SH2B2: variants seen among roughly 807,000 people sequenced by gnomAD.
The protein encoded by SH2B2 is SH2B adaptor protein 2.
In SH2B2, 37 loss-of-function variants were observed where a neutral mutation model predicts 35.7. That is an observed-to-expected ratio of 1.04 (90% CI 0.80 to 1.36). The LOEUF (loss-of-function observed/expected upper bound fraction) is 1.36. SH2B2 is among the 40% of genes most tolerant of loss of function. The pLI is 0.00. For synonymous variants in SH2B2, 383 were observed against 376.4 expected, an observed-to-expected ratio of 1.02 and a Z score of -0.20; for missense variants, 852 against 817.7, an observed-to-expected ratio of 1.04 and a Z score of -0.51.
chr7:102,297,261 C>CA lies in SH2B2; in HGVS notation c.-29-3253dup, dbSNP rs1315414964. ...TAGGAGTTGTCTGGGTTATTAGATC[C>CA]AAAAAAAATGTAGCGGGCCAGGTGC... On this transcript the variant is annotated intron_variant, in intron 1 of 8. Transcript: ENST00000444095. This position sits in a 1 kb window ranked among gnomAD's most constrained non-coding sequence, Gnocchi z 4.3. Among the ~76,000 whole-genome samples the CA allele has an allele frequency of 5.9e-5, 9 of 151,678 alleles. No homozygotes were observed. Among genetic ancestry groups the CA allele is most frequent in the East Asian group, 1.9e-4 (1 of 5,162 alleles).
intron 8 of SH2B2, among the ~76,000 whole-genome samples, chr7:102,321,064 G>C (rs1794046412): frequency 6.6e-6 from 1 of 152,186 alleles, no homozygotes; most frequent in South Asian, 2.1e-4. Flanking sequence ...GTATGCGTGT[G>C]TGTGCACTCC....
At chr7:102,300,495 G>A in intron 1 of SH2B2, 27 bp from the exon 2 acceptor site, 12 of 1,504,240 alleles carry the variant, frequency 8.0e-6, no homozygotes, top group Non-Finnish European at 9.7e-6. Flanking sequence ...AGGCCTGAAA[G>A]TCACTGCGCG....
chr7:102,311,826 C>T (rs1793634638), intron 4 of SH2B2, among the ~76,000 whole-genome samples: 1 of 152,100 alleles, frequency 6.6e-6, no homozygotes, highest in Admixed American at 6.5e-5. Context: ...CCTGTAATCC[C>T]AGCACTTTGG....
intron 1 of SH2B2, among the ~76,000 whole-genome samples, chr7:102,288,387 C>T (rs1554551194): frequency 6.6e-6 from 1 of 152,086 alleles, no homozygotes; most frequent in East Asian, 1.9e-4. Flanking sequence ...GAGACAGTTT[C>T]CCACCAGCTA....
chr7:102,310,390 T>G (rs1218081531), intron 4 of SH2B2, among the ~76,000 whole-genome samples: 1 of 152,086 alleles, frequency 6.6e-6, no homozygotes, highest in Non-Finnish European at 1.5e-5. Context: ...ATCAAGGCCT[T>G]TGGGGTAGCC....
rs1384384696 is a variant in SH2B2, at chr7:102,321,433, T to A, written c.1702T>A (p.Ser568Thr). ...GCCCTCCGACGCCGCCGGCGCCTCC[T>A]CGTCTTCCGCCTCGTCGTCCTCTGC... ...ASPSDAAGAS[S>T]SSASSSSAAS... The change falls in exon 9 of 9, where the codon TCG becomes ACG. Residue 568 changes from serine (S) to threonine (T), a missense_variant. Ser to Thr is a moderately conservative substitution (Grantham distance 58). Transcript: ENST00000444095. 7.6e-7 allele frequency: 1 copy of A among 1,310,064 alleles called. No individual in the cohort carries two copies. Among genetic ancestry groups the A allele is most frequent in the East Asian group, 3.5e-5 (1 of 28,478 alleles). The allele number at this position is 1,310,064 out of a possible 1,614,324, so 81.2% of individuals were successfully genotyped here.
At chr7:102,314,180 G>A (rs1374128242) in intron 4 of SH2B2, among the ~76,000 whole-genome samples, 156 bp from the exon 5 acceptor site, 2 of 152,184 alleles carry the variant, frequency 1.3e-5, no homozygotes, top group Non-Finnish European at 2.9e-5. Context: ...GTGTAGGGTG[G>A]GACAGAGGGA....
chr7:102,301,151 C>A lies in SH2B2; in HGVS notation c.601C>A (p.Arg201Ser). 1 of 1,553,640 alleles carries A rather than the reference C, an allele frequency of 6.4e-7. No individual in the cohort carries two copies. The highest frequency in any genetic ancestry group is 2.0e-5 in the Admixed American group (1 of 49,990). ...GGACATTCAACGCGAGGGGGCGCTG[C>A]GCTTCATGGTGGCCGACGACGCGGC... ...LVDIQREGALRFMVADDAAAG... is the reference protein window; with the variant it reads ...LVDIQREGALSFMVADDAAAG... The change falls in exon 2 of 9, where the codon CGC becomes AGC. Residue 201 changes from arginine (R) to serine (S), a missense_variant. Transcript: ENST00000444095.
intron 3 of SH2B2, among the ~76,000 whole-genome samples, chr7:102,307,702 T>C (rs1793457244): frequency 6.6e-6 from 1 of 151,668 alleles, no homozygotes; most frequent in African/African-American, 2.4e-5. Context: ...AGAGCGGGAT[T>C]AAAGGCAGTC....
intron 1 of SH2B2, among the ~76,000 whole-genome samples, chr7:102,287,471 C>T (rs1451635603): frequency 6.6e-6 from 1 of 152,160 alleles, no homozygotes; most frequent in Non-Finnish European, 1.5e-5. Flanking sequence ...AGGTCTCTTC[C>T]CTACGCTGGG....
At chr7:102,318,727 C>T (rs1405091111) in intron 7 of SH2B2, among the ~76,000 whole-genome samples, 2 of 152,136 alleles carry the variant, frequency 1.3e-5, no homozygotes, top group Non-Finnish European at 2.9e-5. Flanking sequence ...CCTCTGGTGG[C>T]TTCTCTCCTC....
rs76029609 is a variant in SH2B2, at chr7:102,292,800, A to G, written c.-30+5706A>G. ...ACATAGGAGAGAACCCTTAGTTCTG[A>G]CCGTCTCCCCCTTCATGCACTTGGT... On this transcript the variant is annotated intron_variant, in intron 1 of 8. Coordinates refer to ENST00000444095, the MANE Select transcript of SH2B2 (RefSeq NM_001359228.2). Among the ~76,000 whole-genome samples the G allele has an allele frequency of 4.6e-4, 70 of 152,320 alleles. 2 individuals carry two copies. The East Asian group carries it at 0.013, about 29-fold the overall frequency.
chr7:102,303,370 C>T (rs1426400567), intron 2 of SH2B2, among the ~76,000 whole-genome samples: 9 of 152,080 alleles, frequency 5.9e-5, no homozygotes, highest in Non-Finnish European at 8.8e-5. Flanking sequence ...CAGGGACCAC[C>T]GGGGACCCCA....
intron 4 of SH2B2, among the ~76,000 whole-genome samples, chr7:102,310,317 A>G (rs1793572782): frequency 6.6e-6 from 1 of 152,218 alleles, no homozygotes; most frequent in Non-Finnish European, 1.5e-5. Flanking sequence ...CTGTCTCAAA[A>G]TATTAATAAT....
At chr7:102,319,266 G>C (rs1403725539) in intron 7 of SH2B2, among the ~76,000 whole-genome samples, 1 of 152,230 alleles carries the variant, frequency 6.6e-6, no homozygotes, top group Non-Finnish European at 1.5e-5. Flanking sequence ...GCTCTGCCCA[G>C]CTATGAGGCT....
At chr7:102,285,204 C>G (rs803074), upstream of SH2B2, 590,198 of 1,550,862 alleles carry the variant, frequency 0.38, 115,953 homozygotes, top group East Asian at 0.73. Flanking sequence ...ATCTCAGGAC[C>G]CTCTCTGGCC....
chr7:102,298,344 C>G, intron 1 of SH2B2, among the ~76,000 whole-genome samples: 1 of 152,178 alleles, frequency 6.6e-6, no homozygotes, highest in East Asian at 1.9e-4. Context: ...TCACTGCAGC[C>G]TCCAAATCCT....
chr7:102,310,832 G>A (rs1554555911), intron 4 of SH2B2, among the ~76,000 whole-genome samples: 1 of 152,154 alleles, frequency 6.6e-6, no homozygotes, highest in African/African-American at 2.4e-5. Flanking sequence ...AGCTGGCAGG[G>A]TCCCAGACAC....
rs1554555409 is a variant in SH2B2 at position 102,308,897 on chromosome 7, TG to T, written c.916del (p.Asp306ThrfsTer31). The T allele has an allele frequency of 2.5e-6, 4 of 1,613,508 alleles. No homozygotes were observed. Among genetic ancestry groups the T allele is most frequent in the Non-Finnish European group, 3.4e-6 (4 of 1,179,726 alleles). On this transcript the variant is annotated frameshift_variant, in exon 4 of 9. Coordinates refer to ENST00000444095, the MANE Select transcript of SH2B2 (RefSeq NM_001359228.2). LOFTEE classifies it high-confidence loss of function. ...TGGGTAGCTGACATCCAGGGCTGCG[TG>T]GACCCCGGGTGAGTGTCCAAGTGGC... ...HSWVADIQGC[V>X]DPGDSEEDTE...
Sources: allele counts gnomAD v4.1 joint callset (sites outside exome capture counted in the v4.1 genomes callset), GRCh38; gene constraint gnomAD v4.1.1; non-coding constraint Gnocchi (gnomAD v3.1); transcripts MANE v1.5; gene names NCBI Gene and HGNC (gene_info 2026-07-23, HGNC 2026-07-21).